Variants in LMNB1 observed in about 807,000 individuals in gnomAD.
LMNB1 encodes the protein lamin-B1.
A neutral mutation model predicts 67.1 loss-of-function variants in LMNB1; 23 were observed. The ratio of observed to expected loss-of-function variants is 0.34; its 90% CI spans 0.25 to 0.49. The LOEUF (loss-of-function observed/expected upper bound fraction) is 0.49. Ranked by LOEUF, LMNB1 falls within the 20% of genes least tolerant of loss-of-function variation. The probability of loss-of-function intolerance (pLI) is 0.99; values close to 1 mark genes in which losing one functional copy is unlikely to be tolerated. For synonymous variants in LMNB1, 281 were observed against 282.9 expected, an observed-to-expected ratio of 0.99 and a Z score of 0.07; for missense variants, 634 against 746.5, an observed-to-expected ratio of 0.85 and a Z score of 1.76.
At chr5:126,812,082 G>A (rs967765763) in intron 5 of LMNB1, among the ~76,000 whole-genome samples, 184 bp downstream of exon 5, 2 of 152,132 alleles carry the variant, frequency 1.3e-5, no homozygotes, top group African/African-American at 4.8e-5. Flanking sequence ...TAAACATCCT[G>A]TGAGCAGATA....
chr5:126,833,718 T>C (rs1452040242), intron 10 of LMNB1, among the ~76,000 whole-genome samples: 2 of 152,224 alleles, frequency 1.3e-5, no homozygotes, highest in Non-Finnish European at 2.9e-5. Flanking sequence ...AAAATAATTA[T>C]GTAAGAGATA....
chr5:126,791,305 A>G (rs1308729423), intron 1 of LMNB1, among the ~76,000 whole-genome samples: 2 of 152,032 alleles, frequency 1.3e-5, no homozygotes, highest in Admixed American at 1.3e-4. Context: ...TTATTACCAT[A>G]TGAGACTCCT....
chr5:126,819,696 C>T (rs1751812787), intron 6 of LMNB1, among the ~76,000 whole-genome samples: 1 of 151,866 alleles, frequency 6.6e-6, no homozygotes, highest in Non-Finnish European at 1.5e-5. Context: ...CCATGTTGGC[C>T]AGGCTGGTCT....
intron 9 of LMNB1, among the ~76,000 whole-genome samples, chr5:126,826,878 C>T (rs1356032960): frequency 1.3e-5 from 2 of 152,138 alleles, no homozygotes; most frequent in South Asian, 2.1e-4. Context: ...GTTAATGGAG[C>T]TTTTGTTGTG....
At chr5:126,793,310 T>A (rs1751012284) in intron 1 of LMNB1, among the ~76,000 whole-genome samples, 1 of 149,394 alleles carries the variant, frequency 6.7e-6, no homozygotes, top group African/African-American at 2.4e-5. Context: ...TGTGCCTGTT[T>A]ATGTTACAGT....
At chr5:126,796,786 C>CT (rs34534973) in intron 1 of LMNB1, among the ~76,000 whole-genome samples, 2,220 of 118,674 alleles carry the variant, frequency 0.019, 35 homozygotes, top group Non-Finnish European at 0.024. Flanking sequence ...TTTTTTCTTT[C>CT]TTTTTTTTTT....
intron 9 of LMNB1, among the ~76,000 whole-genome samples, chr5:126,826,713 C>T (rs1034559679): frequency 6.6e-6 from 1 of 152,116 alleles, no homozygotes; most frequent in Non-Finnish European, 1.5e-5. Context: ...ATACTACTTC[C>T]TAATAAAGCG....
chr5:126,780,268 T>A (rs192102490), intron 1 of LMNB1, among the ~76,000 whole-genome samples: 2,223 of 152,262 alleles, frequency 0.015, 36 homozygotes, highest in Middle Eastern at 0.024. Flanking sequence ...AAGATTTTTT[T>A]AAAAAAATGA....
At position 126,777,848 on chromosome 5, in the gene LMNB1, C is replaced by A; in HGVS notation, c.340C>A (p.His114Asn). 1 of 1,440,916 alleles carries A rather than the reference C, an allele frequency of 6.9e-7. No individual in the cohort carries two copies. The highest frequency in any genetic ancestry group is 9.1e-7 in the Non-Finnish European group (1 of 1,095,020). The allele number at this position is 1,440,916 out of a possible 1,614,324, so 89.3% of individuals were successfully genotyped here. The change falls in exon 1 of 11, where the codon CAC becomes AAC. Residue 114 changes from histidine to asparagine, a missense_variant. Transcript: ENST00000261366. ...QIELGKCKAE[H>N]DQLLLNYAKK... Reference sequence around the variant, plus strand: ...CGAGCTGGGCAAGTGCAAGGCGGAACACGACCAGCTGCTCCTCAAGTGAGT... The same window carrying A: ...CGAGCTGGGCAAGTGCAAGGCGGAAAACGACCAGCTGCTCCTCAAGTGAGT...
In LMNB1 at chr5:126,832,446, C is replaced by T. The variant is rs557025595; in HGVS notation, c.1612-248C>T. Among the ~76,000 whole-genome samples, 103 of 152,058 alleles carry T rather than the reference C, an allele frequency of 6.8e-4. 1 individual carries two copies. Among genetic ancestry groups the T allele is most frequent in the South Asian group, 3.7e-3 (18 of 4,824 alleles). On this transcript the variant is annotated intron_variant, in intron 9 of 10. Coordinates refer to ENST00000261366, the MANE Select transcript of LMNB1 (RefSeq NM_005573.4). ...TCCTGAGTAGCTGGGATTACAGGCA[C>T]GTGCCATCATGGCCAGCTAATTTTT...
chr5:126,776,632 G>A (rs1036972268), upstream of LMNB1: 1 of 152,292 alleles, frequency 6.6e-6, no homozygotes, highest in Admixed American at 6.5e-5. Flanking sequence ...CGGAGCGGGG[G>A]ATAAGGTTAC....
In LMNB1 at chr5:126,777,884, G is replaced by A; in HGVS notation, c.359+17G>A. Reference sequence around the variant, plus strand: ...GCTCCTCAAGTGAGTGCTAGCTGGCGGCCGCGTTAGCGCCAAGGAGGGGCG... The same window carrying A: ...GCTCCTCAAGTGAGTGCTAGCTGGCAGCCGCGTTAGCGCCAAGGAGGGGCG... On this transcript the variant is annotated intron_variant, in intron 1 of 10. Coordinates refer to ENST00000261366, the MANE Select transcript of LMNB1 (RefSeq NM_005573.4). 1.4e-6 allele frequency: 2 copies of A among 1,383,332 alleles called. 1 individual carries two copies. Among genetic ancestry groups the A allele is most frequent in the South Asian group, 3.3e-5 (2 of 61,496 alleles). The allele number at this position is 1,383,332 out of a possible 1,614,324, so 85.7% of individuals were successfully genotyped here. A position where few individuals can be genotyped will look rare whatever the true frequency, so the allele number is the denominator to read the frequency against.
intron 9 of LMNB1, among the ~76,000 whole-genome samples, chr5:126,827,674 G>A (rs1752027859): frequency 6.6e-6 from 1 of 152,076 alleles, no homozygotes; most frequent in Non-Finnish European, 1.5e-5. Flanking sequence ...TACAGGACTC[G>A]CTGAGTAAAG....
chr5:126,803,426 T>C (rs1751337127), intron 1 of LMNB1, among the ~76,000 whole-genome samples: 1 of 151,892 alleles, frequency 6.6e-6, no homozygotes, highest in Non-Finnish European at 1.5e-5. Context: ...TTTTGTATTT[T>C]TAGTAGAGAC....
At chr5:126,812,029 C>T (rs577587280) in intron 5 of LMNB1, 131 bp downstream of exon 5, 16 of 814,650 alleles carry the variant, frequency 2.0e-5, no homozygotes, top group Middle Eastern at 2.5e-4. Context: ...CCTGTGCTTT[C>T]GTCTTCACAG....
intron 1 of LMNB1, among the ~76,000 whole-genome samples, chr5:126,794,505 G>A (rs1751040981): frequency 6.6e-6 from 1 of 152,188 alleles, no homozygotes; most frequent in Admixed American, 6.5e-5. Flanking sequence ...AAGGTCTGGA[G>A]CATGGCTAGA....
At chr5:126,784,382 G>T (rs1346135936) in intron 1 of LMNB1, among the ~76,000 whole-genome samples, 2 of 142,974 alleles carry the variant, frequency 1.4e-5, no homozygotes, top group Non-Finnish European at 3.0e-5. Context: ...TTGAGGCAGG[G>T]TCTCGCTGTG....
chr5:126,828,122 G>A (rs540526573), intron 9 of LMNB1, among the ~76,000 whole-genome samples: 1 of 152,262 alleles, frequency 6.6e-6, no homozygotes, highest in Admixed American at 6.5e-5. Flanking sequence ...AGAGTCTGAG[G>A]TGCCTGGATA....
At chr5:126,788,246 A>T (rs1424590528) in intron 1 of LMNB1, among the ~76,000 whole-genome samples, 1 of 152,114 alleles carries the variant, frequency 6.6e-6, no homozygotes, top group South Asian at 2.1e-4. Context: ...TTAGGTAGCA[A>T]TGTTAGTTGG....
Sources: allele counts gnomAD v4.1 joint callset (sites outside exome capture counted in the v4.1 genomes callset), GRCh38; gene constraint gnomAD v4.1.1; transcripts MANE v1.5; gene names NCBI Gene and HGNC (gene_info 2026-07-23, HGNC 2026-07-21).